The following LARP4B variants were observed in gnomAD, a reference collection of about 807,000 sequenced individuals.
The protein encoded by LARP4B is la-related protein 4B.
A neutral mutation model predicts 89.8 loss-of-function variants in LARP4B; 12 were observed. The observed-to-expected ratio is 0.13, with a 90% CI of 0.09 to 0.22. The LOEUF (loss-of-function observed/expected upper bound fraction) is 0.22. LARP4B is among the 10% of genes least tolerant of loss of function. The probability of loss-of-function intolerance (pLI) is 1.00; values close to 1 mark genes in which losing one functional copy is unlikely to be tolerated. For missense variants in LARP4B, 757 were observed against 947.7 expected (o/e 0.80, Z 2.64); for synonymous variants, 367 against 363.3 (o/e 1.01, Z -0.12).
the LARP4B span, among the ~76,000 whole-genome samples, chr10:956,377 A>G: frequency 6.7e-6 from 1 of 150,350 alleles, no homozygotes; most frequent in Non-Finnish European, 1.5e-5. The surrounding 1 kb of genome is among the most constrained non-coding windows in gnomAD (Gnocchi z 4.3). Flanking sequence ...ACAGAGTCTC[A>G]CTGTGTCCCC....
In LARP4B at chr10:913,083, A is replaced by C. The variant is rs563394956; in HGVS notation, c.-40+18345T>G. 2.4e-4 allele frequency among the ~76,000 whole-genome samples: 36 copies of C among 152,270 alleles called. No individual in the cohort carries two copies. The South Asian group carries it at 7.3e-3, about 31-fold the overall frequency. On this transcript the variant is annotated intron_variant, in intron 1 of 17. Coordinates refer to ENST00000316157, the MANE Select transcript of LARP4B (RefSeq NM_015155.3). The stretch of plus-strand genomic sequence containing the variant: ...TGACTATCCCTTTTTGATTCAACAA[A>C]TAATAGTGTTTAGATCTAAGTTCTC...
chr10:926,583 G>A (rs1478638974), intron 1 of LARP4B, among the ~76,000 whole-genome samples: 1 of 152,200 alleles, frequency 6.6e-6, no homozygotes, highest in Non-Finnish European at 1.5e-5. Flanking sequence ...CCACACTCTG[G>A]CTACAGTGCG....
Position 842,199 on chromosome 10 carries a change from A to AT in LARP4B, c.646+732dup, listed in dbSNP as rs35178357. On this transcript the variant is annotated intron_variant, in intron 7 of 17. Coordinates refer to ENST00000316157, the MANE Select transcript of LARP4B (RefSeq NM_015155.3). ...AAGAAACAACTTCACTCACAACATAATTTTTTTTTTTTTTTATGAGATGGA... is the reference window on the plus strand; with the variant it reads ...AAGAAACAACTTCACTCACAACATAATTTTTTTTTTTTTTTTATGAGATGGA... 3.8e-3 allele frequency among the ~76,000 whole-genome samples: 542 copies of AT among 144,424 alleles called. 2 individuals carry two copies. Among genetic ancestry groups the AT allele is most frequent in the African/African-American group, 7.4e-3 (293 of 39,636 alleles). The allele number at this position is 144,424 out of a possible 152,430, so 94.7% of individuals were successfully genotyped here.
At chr10:984,174 C>T in the LARP4B span, among the ~76,000 whole-genome samples, 1 of 152,190 alleles carries the variant, frequency 6.6e-6, no homozygotes, top group East Asian at 1.9e-4. Context: ...ACCTGCTTAA[C>T]CAGCTTCCAG....
the LARP4B span, among the ~76,000 whole-genome samples, chr10:958,947 G>C: frequency 6.6e-6 from 1 of 152,220 alleles, no homozygotes; most frequent in Non-Finnish European, 1.5e-5. Flanking sequence ...AGGACAAAGA[G>C]CCCAGGAGGA....
intron 1 of LARP4B, among the ~76,000 whole-genome samples, chr10:893,407 T>C (rs146869409): frequency 2.6e-5 from 4 of 152,320 alleles, no homozygotes; most frequent in East Asian, 1.9e-4. Flanking sequence ...AAAGGAGATA[T>C]GAATACAAAA....
At chr10:815,264 T>C in intron 15 of LARP4B, 194 bp from the exon 16 acceptor site, 1 of 446,460 alleles carries the variant, frequency 2.2e-6, no homozygotes, top group Non-Finnish European at 3.8e-6. Flanking sequence ...CCCTTCTCTT[T>C]CTCGGCAAAT....
At chr10:965,321 G>C in the LARP4B span, among the ~76,000 whole-genome samples, 1 of 152,212 alleles carries the variant, frequency 6.6e-6, no homozygotes, top group African/African-American at 2.4e-5. Flanking sequence ...GGCACAATCA[G>C]AAACCCAGGT....
intron 7 of LARP4B, among the ~76,000 whole-genome samples, chr10:841,799 G>C (rs957121451): frequency 1.3e-5 from 2 of 152,100 alleles, no homozygotes; most frequent in African/African-American, 2.4e-5. Flanking sequence ...ACAGTCAATG[G>C]TAATTATGTT....
the LARP4B span, among the ~76,000 whole-genome samples, chr10:939,134 G>A: frequency 6.6e-6 from 1 of 152,258 alleles, no homozygotes; most frequent in Non-Finnish European, 1.5e-5. Context: ...AAAGCAGTCA[G>A]AGAGGACTCC....
chr10:834,897 T>A (rs1285015281), intron 8 of LARP4B, among the ~76,000 whole-genome samples: 1 of 151,926 alleles, frequency 6.6e-6, no homozygotes, highest in African/African-American at 2.4e-5. Flanking sequence ...ACACCTGTAA[T>A]CCCAGCACTT....
chr10:921,558 A>C (rs1399881102), intron 1 of LARP4B, among the ~76,000 whole-genome samples: 1 of 152,166 alleles, frequency 6.6e-6, no homozygotes, highest in East Asian at 1.9e-4. Flanking sequence ...CAAAATTCTG[A>C]ACTTACAGGA....
the LARP4B span, among the ~76,000 whole-genome samples, chr10:943,720 C>A: frequency 6.6e-6 from 1 of 152,008 alleles, no homozygotes; most frequent in Non-Finnish European, 1.5e-5. Flanking sequence ...AAGCAGTGAG[C>A]GGCGAGGGTG....
At chr10:931,279 C>A in intron 1 of LARP4B, 149 bp downstream of exon 1, 1 of 152,018 alleles carries the variant, frequency 6.6e-6, no homozygotes, top group South Asian at 1.8e-4. Context: ...CCCCGGCCTT[C>A]CCCTGCCCCG....
At chr10:880,952 T>C (rs1002624653) in intron 3 of LARP4B, among the ~76,000 whole-genome samples, 4 of 152,212 alleles carry the variant, frequency 2.6e-5, no homozygotes, top group Non-Finnish European at 4.4e-5. Context: ...AAGAGGATCA[T>C]TTCAACAGAA....
chr10:834,798 A>T (rs1037949214), intron 8 of LARP4B, among the ~76,000 whole-genome samples: 1 of 152,188 alleles, frequency 6.6e-6, no homozygotes, highest in Non-Finnish European at 1.5e-5. Flanking sequence ...AAAAATTAGG[A>T]TCTATGTTTT....
chr10:916,036 G>A (rs981677614), intron 1 of LARP4B, among the ~76,000 whole-genome samples: 2 of 152,022 alleles, frequency 1.3e-5, no homozygotes, highest in African/African-American at 4.8e-5. Context: ...GACCTATTAG[G>A]CTTAATTGGT....
intron 1 of LARP4B, among the ~76,000 whole-genome samples, chr10:890,238 C>A (rs1835975840): frequency 6.6e-6 from 1 of 152,108 alleles, no homozygotes; most frequent in Non-Finnish European, 1.5e-5. Flanking sequence ...TTCTCAAAAA[C>A]CTTGTTAATG....
intron 1 of LARP4B, among the ~76,000 whole-genome samples, chr10:910,605 G>A (rs1836641461): frequency 6.6e-6 from 1 of 152,172 alleles, no homozygotes; most frequent in African/African-American, 2.4e-5. Flanking sequence ...GCTGTCTTTG[G>A]ACAAGAGACT....
Sources: allele counts gnomAD v4.1 joint callset (sites outside exome capture counted in the v4.1 genomes callset), GRCh38; gene constraint gnomAD v4.1.1; non-coding constraint Gnocchi (gnomAD v3.1); transcripts MANE v1.5; gene names NCBI Gene and HGNC (gene_info 2026-07-23, HGNC 2026-07-21).